Variants in KAZN observed in about 807,000 individuals in gnomAD.
KAZN encodes kazrin.
In KAZN, 40 loss-of-function variants were observed where a neutral mutation model predicts 87.4. The ratio of observed to expected loss-of-function variants is 0.46; its 90% CI spans 0.36 to 0.60. The LOEUF (loss-of-function observed/expected upper bound fraction) is 0.60, where lower values mean the gene tolerates loss of function less well. Ranked by LOEUF, KAZN falls within the 20% of genes least tolerant of loss-of-function variation. KAZN has a pLI of 0.00. For missense variants in KAZN, 898 were observed against 1,073.9 expected (o/e 0.84, Z 2.29); for synonymous variants, 466 against 458.3 (o/e 1.02, Z -0.22).
At chr1:14,273,699 G>A (rs1013914644) in intron 2 of KAZN, among the ~76,000 whole-genome samples, 2 of 152,206 alleles carry the variant, frequency 1.3e-5, no homozygotes. Context: ...GAAGATGCCA[G>A]ACCATCTTTC....
At chr1:14,680,259 G>T (rs965606007) in intron 1 of KAZN, among the ~76,000 whole-genome samples, 1 of 152,000 alleles carries the variant, frequency 6.6e-6, no homozygotes, top group Non-Finnish European at 1.5e-5. Flanking sequence ...ACCAAGACAC[G>T]GAATCTTTCC....
intron 1 of KAZN, among the ~76,000 whole-genome samples, chr1:13,934,573 T>C (rs1314032820): frequency 2.0e-5 from 3 of 152,220 alleles, no homozygotes; most frequent in African/African-American, 4.8e-5. Context: ...CTCCAAATCC[T>C]ACTTTCCCCT....
chr1:14,607,966 G>T (rs1454580411), intron 1 of KAZN, among the ~76,000 whole-genome samples: 1 of 152,212 alleles, frequency 6.6e-6, no homozygotes, highest in East Asian at 1.9e-4. Context: ...CAGAGAGTTA[G>T]ATATTGTTAT....
intron 2 of KAZN, among the ~76,000 whole-genome samples, chr1:14,370,589 C>A (rs1360686170): frequency 1.3e-5 from 2 of 152,164 alleles, no homozygotes; most frequent in Admixed American, 6.5e-5. Flanking sequence ...AACCTGTTGC[C>A]TCTTTTACAT....
intron 1 of KAZN, among the ~76,000 whole-genome samples, chr1:14,141,431 C>T (rs537637241): frequency 2.6e-5 from 4 of 151,640 alleles, no homozygotes; most frequent in East Asian, 3.9e-4. Flanking sequence ...TAGGTTTCTT[C>T]GGGGGGTAAA....
chr1:14,511,105 C>T lies in KAZN; in HGVS notation c.250-87878C>T, dbSNP rs551670804. Among the ~76,000 whole-genome samples, 24 of 101,716 alleles carry T rather than the reference C, an allele frequency of 2.4e-4. No homozygotes were observed. In the South Asian group the frequency reaches 3.6e-3, roughly 15 times the overall value. The allele number at this position is 101,716 out of a possible 152,430, so 66.7% of individuals were successfully genotyped here. On this transcript the variant is annotated intron_variant, in intron 2 of 16. Transcript: ENST00000636203. ...ACACCATGGGCTTTAGAGTTATCTG[C>T]GGGGGGTGGGAGGGTGGTCCCAGTT...
At chr1:14,844,407 A>G (rs1394544082) in intron 1 of KAZN, among the ~76,000 whole-genome samples, 1 of 152,182 alleles carries the variant, frequency 6.6e-6, no homozygotes, top group Non-Finnish European at 1.5e-5. Flanking sequence ...CCTGGCAATT[A>G]TTACTTCCTC....
intron 2 of KAZN, among the ~76,000 whole-genome samples, chr1:14,585,543 T>C (rs1346003780): frequency 1.3e-5 from 2 of 152,118 alleles, no homozygotes; most frequent in Admixed American, 6.5e-5. Context: ...CCAAAGAGTG[T>C]GAACACATTC....
At chr1:14,397,513 A>C (rs895325463) in intron 2 of KAZN, among the ~76,000 whole-genome samples, 17 of 152,138 alleles carry the variant, frequency 1.1e-4, no homozygotes, top group African/African-American at 3.9e-4. Flanking sequence ...TGTACGTTTT[A>C]AGTGACACAA....
intron 1 of KAZN, among the ~76,000 whole-genome samples, chr1:14,858,087 A>C (rs1650343680): frequency 6.6e-6 from 1 of 151,994 alleles, no homozygotes; most frequent in Non-Finnish European, 1.5e-5. Flanking sequence ...TTCTTTTATA[A>C]TTTAGCATAA....
At chr1:15,004,571 T>C (rs1668814205) in intron 2 of KAZN, among the ~76,000 whole-genome samples, 1 of 152,190 alleles carries the variant, frequency 6.6e-6, no homozygotes, top group African/African-American at 2.4e-5. Flanking sequence ...TGTGTGTAAA[T>C]CCCCTGGCAC....
At chr1:14,758,685 A>T (rs1644648008) in intron 1 of KAZN, among the ~76,000 whole-genome samples, 1 of 152,130 alleles carries the variant, frequency 6.6e-6, no homozygotes, top group Non-Finnish European at 1.5e-5. Flanking sequence ...AGCAGCTTGG[A>T]TGAGCTTGGG....
At chr1:14,266,213 A>G (rs1035416251) in intron 2 of KAZN, among the ~76,000 whole-genome samples, 9 of 152,234 alleles carry the variant, frequency 5.9e-5, no homozygotes, top group Non-Finnish European at 1.0e-4. Context: ...TTAACCACGC[A>G]GCCAGAATGT....
At chr1:14,028,346 C>T (rs34257427) in intron 1 of KAZN, among the ~76,000 whole-genome samples, 25,441 of 152,114 alleles carry the variant, frequency 0.17, 2,643 homozygotes, top group Non-Finnish European at 0.24. Flanking sequence ...GAAACCTGCT[C>T]ATATTGTAGC....
chr1:14,222,362 C>T (rs1221037910), intron 2 of KAZN, among the ~76,000 whole-genome samples: 3 of 152,182 alleles, frequency 2.0e-5, no homozygotes, highest in African/African-American at 7.2e-5. Flanking sequence ...TTTCCACTCT[C>T]CCCTCTCTTG....
chr1:14,957,635 G>A (rs1313053564), intron 1 of KAZN, among the ~76,000 whole-genome samples: 2 of 152,224 alleles, frequency 1.3e-5, no homozygotes, highest in Admixed American at 1.3e-4. Context: ...TCTTGAGGCT[G>A]TGACAGTGAG....
At chr1:14,405,626 G>A (rs1186063808) in intron 2 of KAZN, among the ~76,000 whole-genome samples, 1 of 151,610 alleles carries the variant, frequency 6.6e-6, no homozygotes, top group African/African-American at 2.4e-5. Context: ...GTGTGTGTGT[G>A]TGTGTGTGTG....
At chr1:14,009,161 A>G (rs1640169259) in intron 1 of KAZN, among the ~76,000 whole-genome samples, 1 of 152,238 alleles carries the variant, frequency 6.6e-6, no homozygotes, top group African/African-American at 2.4e-5. Flanking sequence ...TCTAAGGCTG[A>G]ATAATATTCC....
chr1:13,895,033 G>A (rs2697979), intron 1 of KAZN, among the ~76,000 whole-genome samples: 48,048 of 152,060 alleles, frequency 0.32, 8,334 homozygotes, highest in Admixed American at 0.5. Context: ...GTAAAACGGT[G>A]CTACTAGGCA....
Sources: gnomAD v4.1 joint callset for allele counts (sites outside exome capture counted in the v4.1 genomes callset) on GRCh38, gnomAD v4.1.1 for gene constraint, MANE v1.5 for transcripts, NCBI Gene and HGNC (gene_info 2026-07-23, HGNC 2026-07-21) for gene names.